The following SYTL2 variants were observed in gnomAD, a reference collection of about 807,000 sequenced individuals.
SYTL2 encodes synaptotagmin like 2, also known as synaptotagmin-like protein 2.
SYTL2 carries 165 observed loss-of-function variants against 198.7 expected under a neutral mutation model. That is an observed-to-expected ratio of 0.83 (90% CI 0.73 to 0.94). The LOEUF (loss-of-function observed/expected upper bound fraction) is 0.94, where lower values mean the gene tolerates loss of function less well. SYTL2 is among the 40% of genes least tolerant of loss of function. The pLI is 0.00. For synonymous variants in SYTL2, 966 were observed against 917.7 expected (o/e 1.05, Z -0.95); for missense variants, 2,835 against 2,582.8 (o/e 1.10, Z -2.12).
In SYTL2 at chr11:85,734,309, A is replaced by G; in HGVS notation, c.1020T>C (p.Asp340=). The part of the protein sequence containing the change: ...LKHVRFSAVK[D]ELPQSPGLIH... ...TTAGCCCAGGACTCTGTGGAAGCTC[A>G]TCCTTCACTGCAGAGAATCTCACAT... The change falls in exon 7 of 20, where the codon GAT becomes GAC. Residue 340 remains aspartate, a synonymous_variant. Coordinates refer to ENST00000359152, the MANE Select transcript of SYTL2 (RefSeq NM_206927.4). 6.2e-7 allele frequency: 1 copy of G among 1,614,212 alleles called. No homozygotes were observed. The highest frequency in any genetic ancestry group is 1.1e-5 in the South Asian group (1 of 91,084).
chr11:85,773,107 G>A (rs1255359713), intron 1 of SYTL2, among the ~76,000 whole-genome samples: 1 of 152,160 alleles, frequency 6.6e-6, no homozygotes, highest in African/African-American at 2.4e-5. Context: ...GTATGGCCAT[G>A]AGTGTTTCAC....
At position 85,696,246 on chromosome 11, in the gene SYTL2, C is replaced by T; in HGVS notation, c.6511G>A (p.Val2171Ile). 6.2e-7 allele frequency: 1 copy of T among 1,614,064 alleles called. No homozygotes were observed. ...TTGGTTAATTTGTAATGGTCCCAGA[C>T]AGTAAGCTCTACACAGGCTTCCATC... ...DLMEACVELT[V>I]WDHYKLTNQF... The change falls in exon 19 of 20, where the codon GTC becomes ATC. Residue 2171 changes from valine (V) to isoleucine (I), a missense_variant. By Grantham distance (29) the Val-to-Ile change is conservative. Transcript: ENST00000359152.
At chr11:85,797,821 C>G (rs544615064) in intron 1 of SYTL2, among the ~76,000 whole-genome samples, 3 of 152,028 alleles carry the variant, frequency 2.0e-5, no homozygotes, top group South Asian at 4.2e-4. Context: ...ACCCACTGAT[C>G]TCAAGACCAC....
In SYTL2 at chr11:85,725,141, G is replaced by A. The variant is rs2153463443; in HGVS notation, c.4217C>T (p.Pro1406Leu). 1 of 1,614,064 alleles carries A rather than the reference G, an allele frequency of 6.2e-7. No homozygotes were observed. The highest frequency in any genetic ancestry group is 1.3e-5 in the African/African-American group (1 of 75,028). Residue 1406 changes from proline to leucine, a missense_variant, in exon 8 of 20, where the codon CCA becomes CTA. Physicochemically the swap from Pro to Leu is moderately conservative, Grantham distance 98 (BLOSUM62 -3). Around this residue, in one of 3 missense-constraint regions of SYTL2, gnomAD observed 2,645 missense variants for 2,381.7 expected, o/e 1.11. Coordinates refer to ENST00000359152, the MANE Select transcript of SYTL2 (RefSeq NM_206927.4). ...TGGAGGATTTAGGGGGCTACATACT[G>A]GCTGTACTGCTTCAGGAAATTCTGG... is the stretch of plus-strand genomic sequence containing the variant. ...VNPEFPEAVQ[P>L]VCSPLNPPGV...
intron 1 of SYTL2, among the ~76,000 whole-genome samples, chr11:85,787,694 T>C (rs1282229790): frequency 1.2e-5 from 1 of 82,948 alleles, no homozygotes; most frequent in Admixed American, 1.5e-4. Context: ...TGTTTTTTTT[T>C]CTTTTCCTTT....
intron 1 of SYTL2, among the ~76,000 whole-genome samples, chr11:85,789,971 TG>T (rs2092706557): frequency 6.6e-6 from 1 of 152,046 alleles, no homozygotes; most frequent in Non-Finnish European, 1.5e-5. Flanking sequence ...GGATCAGAAC[TG>T]TTTGGGATTT....
chr11:85,767,465 A>G (rs1369163502), intron 1 of SYTL2, among the ~76,000 whole-genome samples: 1 of 152,228 alleles, frequency 6.6e-6, no homozygotes, highest in Non-Finnish European at 1.5e-5. Flanking sequence ...AGGGAGTGGA[A>G]GAACAAGCTG....
rs1364712808 is a variant in SYTL2, at chr11:85,717,479, T to A, written c.5530+4A>T. ...TCATTTGTGAGAAAGATCCTGCTAC[T>A]CACTTCTTGGTACGCATTCATTTGT... On this transcript the variant is annotated splice_donor_region_variant and intron_variant, in intron 11 of 19. Transcript: ENST00000359152. The A allele has an allele frequency of 6.2e-7, 1 of 1,612,318 alleles. No individual in the cohort carries two copies. Among genetic ancestry groups the A allele is most frequent in the East Asian group, 2.2e-5 (1 of 44,808 alleles).
rs549875588 is a variant in SYTL2 at position 85,762,043 on chromosome 11, G to T, written c.-389-3929C>A. 9.8e-5 allele frequency among the ~76,000 whole-genome samples: 15 copies of T among 152,288 alleles called. 1 individual carries two copies. Among genetic ancestry groups the T allele is most frequent in the African/African-American group, 3.4e-4 (14 of 41,552 alleles). ...TTGCCACCAAGCTTATGTCTGACTGGCATTTGCTGATGGTTGTGTCAGAAT... is the reference window on the plus strand; with the variant it reads ...TTGCCACCAAGCTTATGTCTGACTGTCATTTGCTGATGGTTGTGTCAGAAT... On this transcript the variant is annotated intron_variant, in intron 1 of 19. Transcript: ENST00000359152.
upstream of SYTL2, among the ~76,000 whole-genome samples, chr11:85,814,128 A>C (rs927260473): frequency 2.0e-5 from 3 of 152,232 alleles, no homozygotes; most frequent in African/African-American, 7.2e-5. Context: ...CCAAGGTAAG[A>C]TCTCAATTCC....
At chr11:85,799,096 T>C (rs184208163) in intron 1 of SYTL2, among the ~76,000 whole-genome samples, 12 of 152,328 alleles carry the variant, frequency 7.9e-5, no homozygotes, top group Admixed American at 3.9e-4. Flanking sequence ...TAACTGCCCA[T>C]TGACCACTAA....
At chr11:85,710,412 C>G (rs2086045908) in intron 13 of SYTL2, among the ~76,000 whole-genome samples, 1 of 152,126 alleles carries the variant, frequency 6.6e-6, no homozygotes, top group Non-Finnish European at 1.5e-5. Flanking sequence ...AAACACAAGG[C>G]TAGCAAGAAT....
chr11:85,732,746 A>T (rs1014713019), intron 7 of SYTL2, among the ~76,000 whole-genome samples: 23 of 152,136 alleles, frequency 1.5e-4, no homozygotes, highest in African/African-American at 4.8e-4. Flanking sequence ...GTATATATTT[A>T]AAAAAAATTT....
At chr11:85,796,753 T>C (rs909043954) in intron 1 of SYTL2, among the ~76,000 whole-genome samples, 1 of 152,254 alleles carries the variant, frequency 6.6e-6, no homozygotes, top group Non-Finnish European at 1.5e-5. Flanking sequence ...AGAGTGAAAG[T>C]AGGCAATTTG....
intron 5 of SYTL2, among the ~76,000 whole-genome samples, chr11:85,736,933 A>G (rs2090387839): frequency 6.6e-6 from 1 of 152,222 alleles, no homozygotes; most frequent in Admixed American, 6.5e-5. Context: ...AGGTCAAAGG[A>G]AACTTGGGTC....
At chr11:85,761,873 G>T (rs1254892299) in intron 1 of SYTL2, among the ~76,000 whole-genome samples, 1 of 152,192 alleles carries the variant, frequency 6.6e-6, no homozygotes, top group Non-Finnish European at 1.5e-5. Context: ...TGTACAGGCT[G>T]GTCTTGAACT....
At chr11:85,780,673 T>TATCCTTTGCA (rs1237616039) in intron 1 of SYTL2, among the ~76,000 whole-genome samples, 1 of 152,246 alleles carries the variant, frequency 6.6e-6, no homozygotes, top group Non-Finnish European at 1.5e-5. Flanking sequence ...TGTTCATCCA[T>TATCCTTTGCA]ATCCTTTGCA....
In SYTL2 at chr11:85,725,106, A is replaced by G. The variant is rs1448117502; in HGVS notation, c.4252T>C (p.Ser1418Pro). The G allele has an allele frequency of 1.2e-6, 2 of 1,614,020 alleles. No individual in the cohort carries two copies. Among genetic ancestry groups the G allele is most frequent in the South Asian group, 1.1e-5 (1 of 91,082 alleles). Residue 1418 changes from serine to proline, a missense_variant, in exon 8 of 20, where the codon TCA becomes CCA. Ser to Pro is a moderately conservative substitution (Grantham distance 74, BLOSUM62 -1). Coordinates refer to ENST00000359152, the MANE Select transcript of SYTL2 (RefSeq NM_206927.4). ...CSPLNPPGVI[S>P]PWATMDTIVP... ...ATGGTGTCCATCGTAGCCCATGGTGATATCACTCCTGGAGGATTTAGGGGG... is the reference window on the plus strand; with the variant it reads ...ATGGTGTCCATCGTAGCCCATGGTGGTATCACTCCTGGAGGATTTAGGGGG...
chr11:85,810,569 C>G (rs2093018800), intron 1 of SYTL2, among the ~76,000 whole-genome samples: 1 of 152,128 alleles, frequency 6.6e-6, no homozygotes, highest in African/African-American at 2.4e-5. Context: ...CAGGTGCTGA[C>G]GCTCCTACCT....
Sources: allele counts gnomAD v4.1 joint callset (sites outside exome capture counted in the v4.1 genomes callset), GRCh38; gene constraint gnomAD v4.1.1; regional missense constraint gnomAD v4.1.1; transcripts MANE v1.5; gene names NCBI Gene and HGNC (gene_info 2026-07-23, HGNC 2026-07-21).